The following ECM2 variants were observed in gnomAD, a reference collection of about 807,000 sequenced individuals.
ECM2 encodes the protein extracellular matrix protein 2, female organ and adipocyte specific.
Under a neutral mutation model 67.5 loss-of-function variants are expected in ECM2, and 57 were observed. The ratio of observed to expected loss-of-function variants is 0.84; its 90% CI spans 0.68 to 1.05. ECM2 has a LOEUF of 1.05. Among genes scored for constraint, ECM2 ranks in the 50% least tolerant of loss-of-function variants. ECM2 has a pLI of 0.00. For synonymous variants in ECM2, 258 were observed against 294.5 expected, an observed-to-expected ratio of 0.88 and a Z score of 1.27; for missense variants, 741 against 822.8, an observed-to-expected ratio of 0.90 and a Z score of 1.22.
At chr9:92,541,216 G>T (rs183534224), upstream of ECM2, among the ~76,000 whole-genome samples, 19 of 152,082 alleles carry the variant, frequency 1.2e-4, no homozygotes, top group African/African-American at 4.1e-4. Context: ...CCAAGATTGC[G>T]CCACTGCACG....
chr9:92,527,553 G>A (rs1307226415), intron 1 of ECM2, among the ~76,000 whole-genome samples: 1 of 152,112 alleles, frequency 6.6e-6, no homozygotes, highest in African/African-American at 2.4e-5. Context: ...ACTGTAATTT[G>A]TTGATATCCA....
intron 1 of ECM2, among the ~76,000 whole-genome samples, chr9:92,525,797 G>A (rs1848359489): frequency 6.8e-6 from 1 of 147,014 alleles, no homozygotes; most frequent in Non-Finnish European, 1.5e-5. Flanking sequence ...GGCTGAGACA[G>A]AAGAATCGCT....
chr9:92,522,940 T>C (rs10120292), intron 1 of ECM2, 47 bp from the exon 2 acceptor site: 867,026 of 1,483,154 alleles, frequency 0.58, 259,326 homozygotes, highest in African/African-American at 0.9. Flanking sequence ...AAATTTTTAC[T>C]TCTGAAAATT....
intron 1 of ECM2, among the ~76,000 whole-genome samples, chr9:92,530,267 T>C (rs1848664685): frequency 6.6e-6 from 1 of 152,124 alleles, no homozygotes; most frequent in Admixed American, 6.6e-5. Flanking sequence ...GAGTGAACCC[T>C]AATGTAAACT....
intron 1 of ECM2, among the ~76,000 whole-genome samples, chr9:92,528,830 G>C (rs192002121): frequency 5.5e-4 from 84 of 152,324 alleles, no homozygotes; most frequent in African/African-American, 1.8e-3. Flanking sequence ...AGGATCCAAT[G>C]TAAATTTACC....
At chr9:92,549,519 C>T in the ECM2 span, among the ~76,000 whole-genome samples, 4 of 152,156 alleles carry the variant, frequency 2.6e-5, no homozygotes, top group East Asian at 5.8e-4. Flanking sequence ...TTGTGGCACA[C>T]GCCTGTAGTC....
chr9:92,517,539 T>C, intron 3 of ECM2, 148 bp downstream of exon 3: 1 of 1,052,170 alleles, frequency 9.5e-7, no homozygotes, highest in Admixed American at 2.2e-5. Context: ...TTCCCAGATA[T>C]TTTCTATGTT....
chr9:92,536,560 A>G (rs966141214), upstream of ECM2: 1 of 152,674 alleles, frequency 6.5e-6, no homozygotes, highest in Non-Finnish European at 1.5e-5. Flanking sequence ...ATGAAATAAT[A>G]GAAAGAAAAT....
chr9:92,541,982 T>A, the ECM2 span, among the ~76,000 whole-genome samples: 2 of 152,044 alleles, frequency 1.3e-5, no homozygotes, highest in Non-Finnish European at 2.9e-5. Context: ...TTAATAGAGA[T>A]GGGGTTTCAT....
intron 9 of ECM2, among the ~76,000 whole-genome samples, chr9:92,498,189 G>A (rs904811584): frequency 6.6e-5 from 10 of 152,008 alleles, no homozygotes; most frequent in East Asian, 1.9e-4. Flanking sequence ...ATGGGGATGG[G>A]GAAATATGTA....
chr9:92,530,060 T>C (rs929207382), intron 1 of ECM2, among the ~76,000 whole-genome samples: 2 of 152,200 alleles, frequency 1.3e-5, no homozygotes, highest in African/African-American at 4.8e-5. Context: ...TAGAGATTAT[T>C]TAAAGTATAC....
intron 7 of ECM2, among the ~76,000 whole-genome samples, chr9:92,504,558 C>T (rs771949984): frequency 5.9e-5 from 9 of 152,120 alleles, no homozygotes; most frequent in South Asian, 2.1e-4. Context: ...TTTGTAGAGA[C>T]AGGGTCTCTC....
Position 92,522,801 on chromosome 9 carries a change from A to C in ECM2, c.66T>G (p.Asn22Lys). 6.2e-7 allele frequency: 1 copy of C among 1,613,032 alleles called. No homozygotes were observed. Among genetic ancestry groups the C allele is most frequent in the Non-Finnish European group, 8.5e-7 (1 of 1,179,818 alleles). The change falls in exon 2 of 10, where the codon AAT becomes AAG. Residue 22 changes from asparagine to lysine, a missense_variant. Physicochemically the swap from Asn to Lys is moderately conservative, Grantham distance 94 (BLOSUM62 0). Transcript: ENST00000344604. ...TCCTTTGCTTCCTAGGAATTTCTTC[A>C]TTTTTTCCAAAGTCAGTTTGAAAAA... ...LIIFQTDFGKNEEIPRKQRRK... is the reference protein window; with the variant it reads ...LIIFQTDFGKKEEIPRKQRRK...
chr9:92,537,868 A>G (rs532024706), upstream of ECM2, among the ~76,000 whole-genome samples: 1 of 152,330 alleles, frequency 6.6e-6, no homozygotes, highest in East Asian at 1.9e-4. Flanking sequence ...CTTTGGGGGT[A>G]GAAAAATTAC....
At chr9:92,541,758 G>C in the ECM2 span, among the ~76,000 whole-genome samples, 1 of 151,752 alleles carries the variant, frequency 6.6e-6, no homozygotes, top group Non-Finnish European at 1.5e-5. Flanking sequence ...AGTAAACATG[G>C]GAGTTCAGTT....
intron 2 of ECM2, 72 bp from the exon 3 acceptor site, chr9:92,517,947 A>C: frequency 7.7e-6 from 12 of 1,566,646 alleles, no homozygotes; most frequent in Non-Finnish European, 1.0e-5. Context: ...AAGTAAACAC[A>C]ATGTGAAGTC....
chr9:92,549,578 C>T, the ECM2 span, among the ~76,000 whole-genome samples: 1 of 146,440 alleles, frequency 6.8e-6, no homozygotes, highest in Non-Finnish European at 1.5e-5. Context: ...ACCTGGGAGG[C>T]AAAGGTTACA....
the ECM2 span, among the ~76,000 whole-genome samples, chr9:92,544,681 G>A: frequency 6.6e-6 from 1 of 151,086 alleles, no homozygotes; most frequent in Non-Finnish European, 1.5e-5. Flanking sequence ...GCTCACCAAT[G>A]TGAGGACCAG....
chr9:92,537,443 C>T (rs566911806), upstream of ECM2, among the ~76,000 whole-genome samples: 1 of 152,086 alleles, frequency 6.6e-6, no homozygotes, highest in African/African-American at 2.4e-5. Context: ...GGTGGATCAC[C>T]TGAGGTTAGG....
Sources: gnomAD v4.1 joint callset for allele counts (sites outside exome capture counted in the v4.1 genomes callset) on GRCh38, gnomAD v4.1.1 for gene constraint, MANE v1.5 for transcripts, NCBI Gene and HGNC (gene_info 2026-07-23, HGNC 2026-07-21) for gene names.